SPMIP6: variants seen among roughly 807,000 people sequenced by gnomAD.
The protein encoded by SPMIP6 is sperm microtubule inner protein 6.
chr9:34,390,997 C>T, the SPMIP6 span, among the ~76,000 whole-genome samples: 112,690 of 152,046 alleles, frequency 0.74, 42,796 homozygotes, highest in Non-Finnish European at 0.84. Context: ...TTTTCTGTTC[C>T]CTGACAGAGT....
At chr9:34,380,653 C>G in the SPMIP6 span, 1 of 1,532,512 alleles carries the variant, frequency 6.5e-7, no homozygotes, top group Non-Finnish European at 8.8e-7. Flanking sequence ...GACCTTGAGC[C>G]CAGTTTGAGA....
the SPMIP6 span, among the ~76,000 whole-genome samples, chr9:34,392,585 C>T: frequency 1.7e-3 from 260 of 152,048 alleles, no homozygotes; most frequent in African/African-American, 6.2e-3. The surrounding 1 kb of genome is among the most constrained non-coding windows in gnomAD (Gnocchi z 4.6). Context: ...AGTGATATAG[C>T]ATAAGGGATT....
chr9:34,397,484 C>T, the SPMIP6 span: 1 of 1,614,028 alleles, frequency 6.2e-7, no homozygotes, highest in Non-Finnish European at 8.5e-7. Context: ...CCCTCCCCAC[C>T]AATCTCCCAC....
the SPMIP6 span, chr9:34,385,665 A>G: frequency 1.9e-6 from 3 of 1,613,634 alleles, no homozygotes; most frequent in Non-Finnish European, 2.5e-6. Flanking sequence ...AGTACTTCTC[A>G]GGCAAGTAGG....
chr9:34,380,904 T>C, the SPMIP6 span: 2 of 1,574,486 alleles, frequency 1.3e-6, no homozygotes, highest in Non-Finnish European at 1.7e-6. Flanking sequence ...AACCTTACAG[T>C]CGGTTGCTCC....
At chr9:34,379,772 C>A in the SPMIP6 span, 2 of 1,513,420 alleles carry the variant, frequency 1.3e-6, no homozygotes, top group Non-Finnish European at 1.8e-6. The surrounding 1 kb of genome is among the most constrained non-coding windows in gnomAD (Gnocchi z 4.2). Flanking sequence ...GGGGTTGGGC[C>A]TTTTGACTCT....
At chr9:34,389,399 C>G in the SPMIP6 span, among the ~76,000 whole-genome samples, 1 of 152,206 alleles carries the variant, frequency 6.6e-6, no homozygotes, top group African/African-American at 2.4e-5. Context: ...GTTTGGATAA[C>G]TCATCTTCTT....
the SPMIP6 span, among the ~76,000 whole-genome samples, chr9:34,384,905 T>C: frequency 6.6e-6 from 1 of 151,734 alleles, no homozygotes; most frequent in African/African-American, 2.4e-5. Flanking sequence ...GGGAAGAAAC[T>C]AGAGAAGGTT....
At chr9:34,388,932 C>CTTTTTTTTTT in the SPMIP6 span, among the ~76,000 whole-genome samples, 4 of 109,820 alleles carry the variant, frequency 3.6e-5, no homozygotes, top group African/African-American at 3.6e-5. Context: ...CTCTCTCTTT[C>CTTTTTTTTTT]TTTTTTTTTT....
chr9:34,396,331 A>G, the SPMIP6 span, among the ~76,000 whole-genome samples: 1 of 152,066 alleles, frequency 6.6e-6, no homozygotes, highest in African/African-American at 2.4e-5. Flanking sequence ...TATTTTAAAA[A>G]TTCTCTCCTA....
At chr9:34,381,126 C>T in the SPMIP6 span, 2 of 1,586,940 alleles carry the variant, frequency 1.3e-6, no homozygotes, top group Non-Finnish European at 1.7e-6. This position sits in a 1 kb window ranked among gnomAD's most constrained non-coding sequence, Gnocchi z 4.4. Flanking sequence ...ACCATCACTT[C>T]GCGCTCTGCT....
the SPMIP6 span, chr9:34,380,837 G>T: frequency 5.3e-6 from 6 of 1,137,544 alleles, no homozygotes; most frequent in Non-Finnish European, 7.5e-6. Context: ...AGGGGGCGGG[G>T]TTCTGGGGCG....
chr9:34,383,643 C>A, the SPMIP6 span, among the ~76,000 whole-genome samples: 18,725 of 152,174 alleles, frequency 0.12, 1,506 homozygotes, highest in Non-Finnish European at 0.18. Flanking sequence ...AGATACCTAT[C>A]TCTGCAGATA....
chr9:34,393,563 A>C, the SPMIP6 span, among the ~76,000 whole-genome samples: 1 of 152,212 alleles, frequency 6.6e-6, no homozygotes, highest in East Asian at 1.9e-4. Flanking sequence ...TTTCATTGTG[A>C]GGTGCCTAAC....
At chr9:34,382,159 T>TCAAG in the SPMIP6 span, among the ~76,000 whole-genome samples, 1 of 151,994 alleles carries the variant, frequency 6.6e-6, no homozygotes, top group Non-Finnish European at 1.5e-5. Context: ...AGGTAGTATA[T>TCAAG]CAAGGAGTGC....
chr9:34,379,082 G>A, the SPMIP6 span: 2 of 1,597,732 alleles, frequency 1.3e-6, no homozygotes, highest in South Asian at 2.2e-5. The surrounding 1 kb of genome is among the most constrained non-coding windows in gnomAD (Gnocchi z 4.2). Context: ...GGCTCTACCA[G>A]CAACGATAGT....
chr9:34,397,578 T>A, the SPMIP6 span: 1 of 1,613,596 alleles, frequency 6.2e-7, no homozygotes, highest in Non-Finnish European at 8.5e-7. Context: ...GGGAGCCCTG[T>A]AGGAGTCACT....
At chr9:34,380,626 T>G in the SPMIP6 span, 7 of 1,500,832 alleles carry the variant, frequency 4.7e-6, no homozygotes, top group East Asian at 2.5e-5. Flanking sequence ...CTCCAGAGCA[T>G]ATAGAGAGGC....
chr9:34,385,069 C>G, the SPMIP6 span, among the ~76,000 whole-genome samples: 3 of 151,620 alleles, frequency 2.0e-5, no homozygotes, highest in African/African-American at 4.9e-5. Context: ...TTCTCCAACT[C>G]GCTAAGGATG....
Sources: allele counts gnomAD v4.1 joint callset (sites outside exome capture counted in the v4.1 genomes callset), GRCh38; gene constraint gnomAD v4.1.1; non-coding constraint Gnocchi (gnomAD v3.1); transcripts MANE v1.5; gene names NCBI Gene and HGNC (gene_info 2026-07-23, HGNC 2026-07-21).